Variants in KIF18A observed in about 807,000 individuals in gnomAD.
The protein encoded by KIF18A is kinesin-like protein KIF18A.
In KIF18A, 67 loss-of-function variants were observed where a neutral mutation model predicts 103.3. The ratio of observed to expected loss-of-function variants is 0.65; its 90% CI spans 0.53 to 0.79. The LOEUF (loss-of-function observed/expected upper bound fraction) is 0.79. Among genes scored for constraint, KIF18A ranks in the 30% least tolerant of loss-of-function variants. KIF18A has a pLI of 0.00. For missense variants in KIF18A, 1,032 were observed against 1,062.5 expected, an observed-to-expected ratio of 0.97 and a Z score of 0.40; for synonymous variants, 367 against 355.5, an observed-to-expected ratio of 1.03 and a Z score of -0.36.
chr11:28,088,375 T>C (rs575100036), intron 6 of KIF18A, 149 bp downstream of exon 6: 2 of 597,138 alleles, frequency 3.3e-6, no homozygotes, highest in South Asian at 2.7e-5. Context: ...CTAGGTTTTC[T>C]GAGGTCTTTG....
At chr11:28,035,234 T>C (rs1169886286) in intron 15 of KIF18A, among the ~76,000 whole-genome samples, 153 bp downstream of exon 15, 1 of 151,568 alleles carries the variant, frequency 6.6e-6, no homozygotes, top group Non-Finnish European at 1.5e-5. Context: ...TTTGATAATA[T>C]AAATCCAGTA....
At position 28,069,366 on chromosome 11, in the gene KIF18A, C is replaced by T. The variant is rs1202944988; in HGVS notation, c.1483G>A (p.Glu495Lys). Reference sequence around the variant, plus strand: ...TTCAATTCCTCCTCCCTCCTTTTCTCCAGGTAGGAGCGACGAGTTTTCAAC... The same window carrying T: ...TTCAATTCCTCCTCCCTCCTTTTCTTCAGGTAGGAGCGACGAGTTTTCAAC... ...AMLKTRRSYL[E>K]KRREEELKQF... The change falls in exon 11 of 17, where the codon GAG becomes AAG. Residue 495 changes from glutamate (E) to lysine (K), a missense_variant. Glu to Lys is a moderately conservative substitution (Grantham distance 56). Coordinates refer to ENST00000263181, the MANE Select transcript of KIF18A (RefSeq NM_031217.4). 1 of 1,613,626 alleles carries T rather than the reference C, an allele frequency of 6.2e-7. No homozygotes were observed. The highest frequency in any genetic ancestry group is 1.1e-5 in the South Asian group (1 of 91,072).
chr11:28,028,016 T>C (rs1282476327), intron 15 of KIF18A, among the ~76,000 whole-genome samples: 2 of 151,984 alleles, frequency 1.3e-5, no homozygotes, highest in Non-Finnish European at 2.9e-5. Flanking sequence ...GTGGGATTTA[T>C]CCCAGGGATG....
intron 15 of KIF18A, among the ~76,000 whole-genome samples, chr11:28,033,153 T>A (rs2133492553): frequency 6.6e-6 from 1 of 151,856 alleles, no homozygotes; most frequent in East Asian, 1.9e-4. Context: ...AAAACTACAA[T>A]GAGATATCAT....
Position 28,035,482 on chromosome 11 carries a change from A to G in KIF18A, c.2409T>C (p.Ser803=). ...NKDILQRLDP[S]SFSTKHSMPV... is the part of the protein sequence containing the mutation. ...GCATAGAATGCTTAGTTGAGAATGAAGAAGGATCAAGCCTGTATATTAATA... is the reference window on the plus strand; with the variant it reads ...GCATAGAATGCTTAGTTGAGAATGAGGAAGGATCAAGCCTGTATATTAATA... Residue 803 remains serine (S), a synonymous_variant, in exon 15 of 17, where the codon TCT becomes TCC. Transcript: ENST00000263181. 1 of 1,587,698 alleles carries G rather than the reference A, an allele frequency of 6.3e-7. No homozygotes were observed. The highest frequency in any genetic ancestry group is 1.2e-5 in the South Asian group (1 of 86,330).
intron 1 of KIF18A, among the ~76,000 whole-genome samples, chr11:28,103,023 C>T (rs945103931): frequency 6.6e-5 from 10 of 152,178 alleles, no homozygotes; most frequent in African/African-American, 2.4e-4. Flanking sequence ...TTTCAGACAG[C>T]TGTTCAGAAG....
rs573547440 is a variant in KIF18A at position 28,092,228 on chromosome 11, A to G, written c.484-715T>C. Among the ~76,000 whole-genome samples the G allele has an allele frequency of 3.3e-5, 5 of 150,156 alleles. No individual in the cohort carries two copies. In the South Asian group the frequency reaches 1.0e-3, roughly 31 times the overall value. ...CTGTGGAAGATATCTATTATTTCAC[A>G]ATGTCCAAGTAGTCCAAACTTTTGA... On this transcript the variant is annotated intron_variant, in intron 3 of 16. Transcript: ENST00000263181.
At chr11:28,107,896 CG>C (rs1258436465) in intron 1 of KIF18A, among the ~76,000 whole-genome samples, 167 bp downstream of exon 1, 1 of 152,134 alleles carries the variant, frequency 6.6e-6, no homozygotes, top group Non-Finnish European at 1.5e-5. Context: ...AGCAGGTTCT[CG>C]AATCCCTTTT....
chr11:28,025,609 C>T (rs969246738), intron 15 of KIF18A, among the ~76,000 whole-genome samples: 2 of 151,716 alleles, frequency 1.3e-5, no homozygotes, highest in African/African-American at 2.4e-5. Flanking sequence ...TAATAAATTG[C>T]GTATTTATAT....
chr11:28,055,428 A>G (rs1850767527), intron 13 of KIF18A, among the ~76,000 whole-genome samples: 1 of 152,174 alleles, frequency 6.6e-6, no homozygotes, highest in South Asian at 2.1e-4. Flanking sequence ...AATTTCAGCT[A>G]ATTTCCCCTT....
intron 13 of KIF18A, among the ~76,000 whole-genome samples, chr11:28,044,185 T>C (rs1045958386): frequency 6.6e-6 from 1 of 152,086 alleles, no homozygotes; most frequent in African/African-American, 2.4e-5. Flanking sequence ...CTGGATAGGC[T>C]GTAGACTGGG....
intron 3 of KIF18A, 51 bp downstream of exon 3, chr11:28,094,592 T>A (rs756768574): frequency 1.3e-5 from 16 of 1,271,148 alleles, no homozygotes; most frequent in Admixed American, 5.6e-5. Flanking sequence ...TTTGTATGAA[T>A]CATGTCAATG....
chr11:28,042,699 A>C (rs187957673), intron 13 of KIF18A, among the ~76,000 whole-genome samples: 1 of 151,940 alleles, frequency 6.6e-6, no homozygotes, highest in Admixed American at 6.6e-5. Context: ...TACCCATAGT[A>C]CAAGGAGGCA....
chr11:28,065,482 T>C (rs1160031547), intron 11 of KIF18A, among the ~76,000 whole-genome samples: 2 of 152,046 alleles, frequency 1.3e-5, no homozygotes, highest in Admixed American at 6.6e-5. Context: ...GTACAAAAGT[T>C]CTTCGTAAGA....
Position 28,097,772 on chromosome 11 carries a change from G to A in KIF18A, c.176C>T (p.Thr59Ile). 6.2e-7 allele frequency: 1 copy of A among 1,612,546 alleles called. No individual in the cohort carries two copies. The highest frequency in any genetic ancestry group is 8.5e-7 in the Non-Finnish European group (1 of 1,179,000). Residue 59 changes from threonine (T) to isoleucine (I), a missense_variant, in exon 2 of 17, where the codon ACT (threonine) becomes ATT (isoleucine). Physicochemically the swap from Thr to Ile is moderately conservative, Grantham distance 89. Transcript: ENST00000263181. The part of the protein sequence containing the change: ...EEVSFFHGKK[T>I]TNQNVIKKQN... The stretch of plus-strand genomic sequence containing the variant: ...TTTCTTTATAACATTTTGATTTGTA[G>A]TTTTCTTTCCATGGAAAAAACTGAC...
At chr11:28,097,233 G>A (rs1851387587) in intron 2 of KIF18A, 1 of 165,970 alleles carries the variant, frequency 6.0e-6, no homozygotes, top group African/African-American at 2.4e-5. Context: ...AAAAGAAACT[G>A]TCAAATGTTC....
In KIF18A at chr11:28,090,717, G is replaced by C; in HGVS notation, c.599C>G (p.Ser200Ter). ...ATCCAATAAATGTAAAATTTCTTCTGAGGATTTGGGCTGGAGAAGTTTAAG... is the reference window on the plus strand; with the variant it reads ...ATCCAATAAATGTAAAATTTCTTCTCAGGATTTGGGCTGGAGAAGTTTAAG... ...HGLTLHQPKSSEEILHLLDNG... is the reference protein window; with the variant it reads ...HGLTLHQPKS The change falls in exon 5 of 17, where the codon TCA becomes TGA. Residue 200 changes from serine to a stop codon, truncating the protein, a stop_gained. Coordinates refer to ENST00000263181, the MANE Select transcript of KIF18A (RefSeq NM_031217.4). LOFTEE classifies it high-confidence loss of function. 1 of 1,591,012 alleles carries C rather than the reference G, an allele frequency of 6.3e-7. No individual in the cohort carries two copies. Among genetic ancestry groups the C allele is most frequent in the Non-Finnish European group, 8.6e-7 (1 of 1,160,598 alleles).
At chr11:28,057,934 A>G (rs1850802809) in intron 13 of KIF18A, among the ~76,000 whole-genome samples, 1 of 152,342 alleles carries the variant, frequency 6.6e-6, no homozygotes, top group East Asian at 1.9e-4. Flanking sequence ...GTTGCAGGTC[A>G]CTATGTGTAA....
chr11:28,081,226 G>C (rs1170212688), intron 9 of KIF18A, among the ~76,000 whole-genome samples: 1 of 152,288 alleles, frequency 6.6e-6, no homozygotes, highest in Non-Finnish European at 1.5e-5. Context: ...TAAGATCACT[G>C]ATGAAGGTGG....
Sources: allele counts gnomAD v4.1 joint callset (sites outside exome capture counted in the v4.1 genomes callset), GRCh38; gene constraint gnomAD v4.1.1; transcripts MANE v1.5; gene names NCBI Gene and HGNC (gene_info 2026-07-23, HGNC 2026-07-21).